The following SPSB1 variants were observed in gnomAD, a reference collection of about 807,000 sequenced individuals.
SPSB1 encodes splA/ryanodine receptor domain and SOCS box containing 1, also known as SPRY domain-containing SOCS box protein 1.
In SPSB1, 8 loss-of-function variants were observed where a neutral mutation model predicts 21.2. The observed-to-expected ratio is 0.38, with a 90% CI of 0.22 to 0.68. The LOEUF is 0.68. SPSB1 is among the 30% of genes least tolerant of loss of function. SPSB1 has a pLI of 0.53. For synonymous variants in SPSB1, 169 were observed against 161.7 expected (o/e 1.05, Z -0.34); for missense variants, 242 against 377.8 (o/e 0.64, Z 2.98).
chr1:9,297,154 A>T (rs1639238085), intron 1 of SPSB1, among the ~76,000 whole-genome samples: 1 of 152,142 alleles, frequency 6.6e-6, no homozygotes, highest in Admixed American at 6.5e-5. Flanking sequence ...ACAAGCTCTG[A>T]ATCTGACCTG....
intron 1 of SPSB1, among the ~76,000 whole-genome samples, chr1:9,296,006 C>T (rs2072734): frequency 0.76 from 115,520 of 151,756 alleles, 44,136 homozygotes; most frequent in South Asian, 0.81. Flanking sequence ...TAAGGGACTT[C>T]GATTTTGGAC....
At chr1:9,320,621 A>G (rs546163289) in intron 1 of SPSB1, among the ~76,000 whole-genome samples, 17 of 152,314 alleles carry the variant, frequency 1.1e-4, no homozygotes, top group Non-Finnish European at 1.9e-4. Flanking sequence ...ATTTGGAGCA[A>G]TGGAGCAGGA....
At chr1:9,306,573 A>C (rs894510195) in intron 1 of SPSB1, among the ~76,000 whole-genome samples, 4 of 152,162 alleles carry the variant, frequency 2.6e-5, no homozygotes, top group Non-Finnish European at 5.9e-5. Flanking sequence ...CATTTTACAG[A>C]TGAGAAAAAC....
At chr1:9,364,835 TGTTGTTGTTGTC>T (rs965573483) in intron 2 of SPSB1, among the ~76,000 whole-genome samples, 2 of 151,918 alleles carry the variant, frequency 1.3e-5, no homozygotes, top group African/African-American at 4.8e-5. Context: ...GTTGTTTTGT[TGTTGTTGTTGTC>T]GTTGTTGTTG....
At chr1:9,360,688 G>A (rs909722954) in intron 2 of SPSB1, among the ~76,000 whole-genome samples, 3 of 152,162 alleles carry the variant, frequency 2.0e-5, no homozygotes, top group African/African-American at 4.8e-5. Flanking sequence ...GTGTCTCTCC[G>A]TGGCCCCTCC....
rs555045590 is a variant in SPSB1 at position 9,350,116 on chromosome 1, A to C, written c.-149-5627A>C. Among the ~76,000 whole-genome samples the C allele has an allele frequency of 1.8e-3, 266 of 151,650 alleles. 1 individual carries two copies. Among genetic ancestry groups the C allele is most frequent in the African/African-American group, 6.2e-3 (255 of 41,300 alleles). Reference sequence around the variant, plus strand: ...CTCACATATCTACACACACACACACACCCCTACCACCCGCACAGGTACACA... The same window carrying C: ...CTCACATATCTACACACACACACACCCCCCTACCACCCGCACAGGTACACA... On this transcript the variant is annotated intron_variant, in intron 1 of 2. Coordinates refer to ENST00000328089, the MANE Select transcript of SPSB1 (RefSeq NM_025106.4).
chr1:9,340,595 G>T (rs924913829), intron 1 of SPSB1, among the ~76,000 whole-genome samples: 1 of 152,370 alleles, frequency 6.6e-6, no homozygotes, highest in African/African-American at 2.4e-5. Flanking sequence ...TCCACGCCTG[G>T]CGGGAAGATG....
chr1:9,306,102 G>A (rs1006344173), intron 1 of SPSB1, among the ~76,000 whole-genome samples: 3 of 152,188 alleles, frequency 2.0e-5, no homozygotes, highest in Non-Finnish European at 2.9e-5. Flanking sequence ...CTCCTGCAGC[G>A]GGAGGAACCG....
chr1:9,349,397 C>T (rs146443380), intron 1 of SPSB1, among the ~76,000 whole-genome samples: 8 of 152,346 alleles, frequency 5.3e-5, no homozygotes, highest in Admixed American at 2.0e-4. Context: ...AGAGCTGTGC[C>T]GGGCCAGGAG....
intron 2 of SPSB1, among the ~76,000 whole-genome samples, chr1:9,362,922 G>T (rs1469383322): frequency 6.6e-6 from 1 of 152,236 alleles, no homozygotes; most frequent in Admixed American, 6.5e-5. Flanking sequence ...GCTTCCTGGG[G>T]ATGGGCATAG....
chr1:9,336,028 A>G (rs1303913993), intron 1 of SPSB1, among the ~76,000 whole-genome samples: 1 of 152,166 alleles, frequency 6.6e-6, no homozygotes, highest in Admixed American at 6.5e-5. Context: ...TGTGCTGGGA[A>G]CCATAAGACT....
intron 1 of SPSB1, among the ~76,000 whole-genome samples, chr1:9,341,434 A>C (rs920071961): frequency 6.6e-6 from 1 of 152,352 alleles, no homozygotes; most frequent in Middle Eastern, 3.4e-3. Flanking sequence ...CCCTGAGGGC[A>C]GCAAGTTCTG....
Position 9,355,860 on chromosome 1 carries a change from G to A in SPSB1, c.-32G>A. ...CACGAGATTGATGAGTTTGCCTTGG[G>A]AGTCGGTAAGAAGGTGAAGCCAGGG... On this transcript the variant is annotated 5_prime_UTR_variant, in exon 2 of 3. Transcript: ENST00000328089. 2.0e-6 allele frequency: 3 copies of A among 1,521,686 alleles called. No homozygotes were observed. Among genetic ancestry groups the A allele is most frequent in the Non-Finnish European group, 2.6e-6 (3 of 1,133,868 alleles). 94.3% of individuals were successfully genotyped at this position (1,521,686 alleles called of 1,614,324 possible). A position where few individuals can be genotyped will look rare whatever the true frequency, so the allele number is the denominator to read the frequency against.
At chr1:9,343,348 A>C (rs1640118577) in intron 1 of SPSB1, among the ~76,000 whole-genome samples, 1 of 147,532 alleles carries the variant, frequency 6.8e-6, no homozygotes, top group Non-Finnish European at 1.5e-5. Context: ...TCGAAAGGGA[A>C]TCGTACAATG....
chr1:9,327,885 T>C (rs1197851481), intron 1 of SPSB1, among the ~76,000 whole-genome samples: 1 of 152,254 alleles, frequency 6.6e-6, no homozygotes, highest in Non-Finnish European at 1.5e-5. Flanking sequence ...ATTTGGCCCC[T>C]GGGCATAGTT....
chr1:9,322,766 G>T (rs1047488421), intron 1 of SPSB1, among the ~76,000 whole-genome samples: 9 of 152,194 alleles, frequency 5.9e-5, no homozygotes, highest in African/African-American at 2.2e-4. Flanking sequence ...TTGACTTGGA[G>T]CTTGGGTCTT....
At chr1:9,303,323 C>T (rs913176668) in intron 1 of SPSB1, among the ~76,000 whole-genome samples, 2 of 152,198 alleles carry the variant, frequency 1.3e-5, no homozygotes, top group African/African-American at 4.8e-5. Flanking sequence ...ACTTAAAGAA[C>T]CACAGCCAGC....
At chr1:9,295,567 C>T (rs1005006659) in intron 1 of SPSB1, among the ~76,000 whole-genome samples, 2 of 152,132 alleles carry the variant, frequency 1.3e-5, no homozygotes, top group Admixed American at 1.3e-4. Context: ...GTGGGTCCCT[C>T]TGGGCTGCTG....
intron 1 of SPSB1, among the ~76,000 whole-genome samples, chr1:9,329,398 C>T (rs1639876660): frequency 6.6e-6 from 1 of 151,996 alleles, no homozygotes; most frequent in Admixed American, 6.6e-5. Context: ...GGGGAGGTGA[C>T]ACCCGGTGGT....
Sources: allele counts gnomAD v4.1 joint callset (sites outside exome capture counted in the v4.1 genomes callset), GRCh38; gene constraint gnomAD v4.1.1; transcripts MANE v1.5; gene names NCBI Gene and HGNC (gene_info 2026-07-23, HGNC 2026-07-21).